The following TUSC3 variants were observed in gnomAD, a reference collection of about 807,000 sequenced individuals.
TUSC3 encodes tumor suppressor candidate 3.
A neutral mutation model predicts 44.8 loss-of-function variants in TUSC3; 45 were observed. The ratio of observed to expected loss-of-function variants is 1.00; its 90% CI spans 0.79 to 1.29. The LOEUF (loss-of-function observed/expected upper bound fraction) is 1.29. Among genes scored for constraint, TUSC3 ranks in the 50% most tolerant of loss-of-function variants. The pLI is 0.00. For synonymous variants in TUSC3, 212 were observed against 152.9 expected (o/e 1.39, Z -2.85); for missense variants, 519 against 437.9 (o/e 1.19, Z -1.65).
intron 2 of TUSC3, among the ~76,000 whole-genome samples, chr8:15,515,297 G>A (rs753431172): frequency 2.6e-5 from 4 of 152,084 alleles, no homozygotes; most frequent in Non-Finnish European, 5.9e-5. Flanking sequence ...CCAAGATTCA[G>A]TGACACAACA....
the TUSC3 span, among the ~76,000 whole-genome samples, chr8:15,821,056 G>A: frequency 6.6e-6 from 1 of 151,976 alleles, no homozygotes; most frequent in Non-Finnish European, 1.5e-5. Context: ...ATTTTCTTTA[G>A]CATTTTTTGT....
At chr8:15,832,946 C>T in the TUSC3 span, among the ~76,000 whole-genome samples, 1 of 152,004 alleles carries the variant, frequency 6.6e-6, no homozygotes, top group South Asian at 2.1e-4. Flanking sequence ...TAGATATCTA[C>T]AAACTCTCCA....
At chr8:15,753,011 C>A (rs1426967296) in intron 9 of TUSC3, among the ~76,000 whole-genome samples, 1 of 152,032 alleles carries the variant, frequency 6.6e-6, no homozygotes. Context: ...CTAAGGGACA[C>A]TGACAAAATC....
intron 1 of TUSC3, among the ~76,000 whole-genome samples, chr8:15,600,556 T>A: frequency 6.6e-6 from 1 of 151,820 alleles, no homozygotes; most frequent in East Asian, 1.9e-4. Context: ...GTTTTATTCT[T>A]GTTTGCTTTG....
At chr8:15,806,879 G>C in the TUSC3 span, 1 of 1,169,430 alleles carries the variant, frequency 8.6e-7, no homozygotes, top group Admixed American at 1.7e-5. Context: ...AATTATGTTG[G>C]GGAGAAAGTA....
At chr8:15,650,926 G>T (rs970856033) in intron 3 of TUSC3, 112 bp downstream of exon 3, 31 of 1,105,556 alleles carry the variant, frequency 2.8e-5, no homozygotes, top group Non-Finnish European at 3.7e-5. Context: ...GGAGGCGGAG[G>T]TTGCAGTGAG....
At chr8:15,518,791 C>G (rs1051102713) in intron 2 of TUSC3, among the ~76,000 whole-genome samples, 1 of 151,226 alleles carries the variant, frequency 6.6e-6, no homozygotes, top group East Asian at 1.9e-4. Context: ...CTAATAATCC[C>G]TCTTGTTTTT....
At chr8:15,651,211 G>A (rs1806888907) in intron 3 of TUSC3, among the ~76,000 whole-genome samples, 2 of 152,102 alleles carry the variant, frequency 1.3e-5, no homozygotes, top group Non-Finnish European at 2.9e-5. Context: ...CAGTTTACAT[G>A]CATTGGTCTT....
At chr8:15,731,785 ATTAC>A (rs1563195054) in intron 7 of TUSC3, among the ~76,000 whole-genome samples, 2 of 152,116 alleles carry the variant, frequency 1.3e-5, no homozygotes, top group Admixed American at 6.5e-5. Flanking sequence ...TTTGGATTTT[ATTAC>A]TTTGTTGTGT....
At chr8:15,425,180 G>T (rs560481803) in intron 1 of TUSC3, among the ~76,000 whole-genome samples, 123 of 152,324 alleles carry the variant, frequency 8.1e-4, no homozygotes, top group African/African-American at 2.9e-3. Context: ...GAGATTAAAT[G>T]AAGTAGTCAA....
chr8:15,685,510 A>T (rs1808592161), intron 6 of TUSC3, among the ~76,000 whole-genome samples: 1 of 152,126 alleles, frequency 6.6e-6, no homozygotes, highest in African/African-American at 2.4e-5. Context: ...AAACAGTTGG[A>T]TAGATAATTT....
At chr8:15,708,314 A>G (rs986838729) in intron 6 of TUSC3, among the ~76,000 whole-genome samples, 4 of 151,954 alleles carry the variant, frequency 2.6e-5, no homozygotes, top group Non-Finnish European at 2.9e-5. Flanking sequence ...AGATTAGGAA[A>G]AACCTTGTGT....
At chr8:15,698,756 A>T (rs1809272241) in intron 6 of TUSC3, among the ~76,000 whole-genome samples, 1 of 152,058 alleles carries the variant, frequency 6.6e-6, no homozygotes, top group African/African-American at 2.4e-5. Context: ...ATGCTCTTTT[A>T]TTGCTTATAA....
intron 1 of TUSC3, among the ~76,000 whole-genome samples, chr8:15,464,953 G>A (rs1000638997): frequency 3.3e-5 from 5 of 152,058 alleles, no homozygotes; most frequent in African/African-American, 4.8e-5. Flanking sequence ...AGGTTCAAGC[G>A]ATTCTCTTGC....
At chr8:15,769,696 T>C (rs1435706656), downstream of TUSC3, among the ~76,000 whole-genome samples, 2 of 152,134 alleles carry the variant, frequency 1.3e-5, no homozygotes, top group Non-Finnish European at 2.9e-5. Flanking sequence ...AAAGGGCTAA[T>C]AATCCAGAAT....
At position 15,739,493 on chromosome 8, in the gene TUSC3, C is replaced by T. The variant is rs561227568; in HGVS notation, c.863-4045C>T. On this transcript the variant is annotated intron_variant, in intron 7 of 10. Transcript: ENST00000503731. ...AGGGAGTCTGCATATTTTTTTAACTCATATAATTTGAAAAATGCTATATTG... is the reference window on the plus strand; with the variant it reads ...AGGGAGTCTGCATATTTTTTTAACTTATATAATTTGAAAAATGCTATATTG... Among the ~76,000 whole-genome samples, 146 of 152,102 alleles carry T rather than the reference C, an allele frequency of 9.6e-4. No homozygotes were observed. In the Middle Eastern group the frequency reaches 0.014, roughly 14 times the overall value.
intron 6 of TUSC3, among the ~76,000 whole-genome samples, chr8:15,713,727 T>TA (rs1260218679): frequency 6.6e-6 from 1 of 151,980 alleles, no homozygotes. Context: ...AGATGCCAAT[T>TA]ATATTGGATT....
the TUSC3 span, among the ~76,000 whole-genome samples, chr8:15,836,488 A>G: frequency 1.3e-5 from 2 of 151,946 alleles, no homozygotes; most frequent in African/African-American, 4.8e-5. Flanking sequence ...AAAAAAAAAA[A>G]AAAATTAATA....
At chr8:15,421,965 G>T (rs988693815) in intron 1 of TUSC3, among the ~76,000 whole-genome samples, 2 of 152,132 alleles carry the variant, frequency 1.3e-5, no homozygotes, top group African/African-American at 4.8e-5. Context: ...CTAGGAGCCA[G>T]TGTCTTCTCT....
Sources: allele counts gnomAD v4.1 joint callset (sites outside exome capture counted in the v4.1 genomes callset), GRCh38; gene constraint gnomAD v4.1.1; transcripts MANE v1.5; gene names NCBI Gene and HGNC (gene_info 2026-07-23, HGNC 2026-07-21).